The following MEIS1 variants were observed in gnomAD, a reference collection of about 807,000 sequenced individuals.
MEIS1 encodes the protein Meis homeobox 1.
A neutral mutation model predicts 50.8 loss-of-function variants in MEIS1; 5 were observed. The observed-to-expected ratio is 0.10, with a 90% CI of 0.05 to 0.21. The LOEUF (loss-of-function observed/expected upper bound fraction) is 0.21, where lower values mean the gene tolerates loss of function less well. MEIS1 is among the 10% of genes least tolerant of loss of function. The pLI is 1.00. For synonymous variants in MEIS1, 176 were observed against 179.3 expected, an observed-to-expected ratio of 0.98 and a Z score of 0.15; for missense variants, 318 against 517.3, an observed-to-expected ratio of 0.61 and a Z score of 3.74.
chr2:66,523,743 T>C (rs531412742), intron 8 of MEIS1, among the ~76,000 whole-genome samples: 1 of 152,368 alleles, frequency 6.6e-6, no homozygotes, highest in African/African-American at 2.4e-5. Flanking sequence ...TGCTGTATTT[T>C]ACATTTGAAC....
intron 7 of MEIS1, among the ~76,000 whole-genome samples, chr2:66,477,153 G>A (rs1672913288): frequency 6.6e-6 from 1 of 152,194 alleles, no homozygotes; most frequent in Non-Finnish European, 1.5e-5. Flanking sequence ...GTGGTTGGAT[G>A]GAAGTGAAGG....
chr2:66,471,469 T>A (rs916317558), intron 7 of MEIS1, among the ~76,000 whole-genome samples: 4 of 152,240 alleles, frequency 2.6e-5, no homozygotes, highest in African/African-American at 4.8e-5. Context: ...TTGTTGCAAG[T>A]GATGGATTAA....
intron 8 of MEIS1, among the ~76,000 whole-genome samples, chr2:66,513,972 C>A (rs116359576): frequency 6.6e-6 from 1 of 152,136 alleles, no homozygotes; most frequent in Non-Finnish European, 1.5e-5. Context: ...AGGTGTGGTA[C>A]AATGATGCTG....
At chr2:66,474,389 A>G (rs1252392031) in intron 7 of MEIS1, among the ~76,000 whole-genome samples, 2 of 152,146 alleles carry the variant, frequency 1.3e-5, no homozygotes, top group Admixed American at 6.5e-5. Context: ...TTTATGTCCT[A>G]TGCCCTTCCC....
At chr2:66,436,975 C>T (rs913387473) in intron 1 of MEIS1, 10 of 978,112 alleles carry the variant, frequency 1.0e-5, no homozygotes, top group Non-Finnish European at 1.2e-5. Flanking sequence ...GACTTCTAGT[C>T]TGGAAACAAA....
intron 6 of MEIS1, among the ~76,000 whole-genome samples, chr2:66,450,487 AT>A (rs1042163628): frequency 1.3e-5 from 2 of 152,172 alleles, no homozygotes; most frequent in East Asian, 1.9e-4. Context: ...TTCAAAAAAA[AT>A]AAAATGCCTG....
rs764289715 is a variant in MEIS1, at chr2:66,571,268, G to A, written c.*60G>A. ...CAGGGCTGCAAAGTATGCCAGGGGA[G>A]TATGTAGCCCGGGGTGGTCCAATGG... On this transcript the variant is annotated 3_prime_UTR_variant, in exon 13 of 13. Coordinates refer to ENST00000272369, the MANE Select transcript of MEIS1 (RefSeq NM_002398.3). The A allele has an allele frequency of 3.0e-5, 48 of 1,592,546 alleles. No homozygotes were observed. Among genetic ancestry groups the A allele is most frequent in the African/African-American group, 1.1e-4 (8 of 74,244 alleles).
chr2:66,538,046 T>A (rs1202136748), intron 8 of MEIS1, among the ~76,000 whole-genome samples: 1 of 152,216 alleles, frequency 6.6e-6, no homozygotes, highest in Non-Finnish European at 1.5e-5. Context: ...TGTCCTGTGC[T>A]AGGCATAAAG....
chr2:66,565,963 G>C (rs899267224), intron 9 of MEIS1, among the ~76,000 whole-genome samples: 7 of 152,090 alleles, frequency 4.6e-5, no homozygotes, highest in Non-Finnish European at 7.4e-5. Flanking sequence ...TGCTACACCT[G>C]TGCTTATAAT....
chr2:66,516,409 C>T (rs1199033737), intron 8 of MEIS1, among the ~76,000 whole-genome samples: 1 of 152,172 alleles, frequency 6.6e-6, no homozygotes, highest in Non-Finnish European at 1.5e-5. Flanking sequence ...CTCTCTCCTA[C>T]TCCCCATCCA....
chr2:66,475,123 CATATATATATACACAT>C (rs1672859221), intron 7 of MEIS1, among the ~76,000 whole-genome samples: 1 of 129,004 alleles, frequency 7.8e-6, no homozygotes, highest in Non-Finnish European at 1.5e-5. Context: ...TTTTAAAATG[CATATATATATACACAT>C]ATATATATAT....
chr2:66,571,282 G>T lies in MEIS1; in HGVS notation c.*74G>T. On this transcript the variant is annotated 3_prime_UTR_variant, in exon 13 of 13. Transcript: ENST00000272369. ...ATGCCAGGGGAGTATGTAGCCCGGGGTGGTCCAATGGGTGTGAGTATGGGA... is the reference window on the plus strand; with the variant it reads ...ATGCCAGGGGAGTATGTAGCCCGGGTTGGTCCAATGGGTGTGAGTATGGGA... 1 of 1,596,390 alleles carries T rather than the reference G, an allele frequency of 6.3e-7. No individual in the cohort carries two copies. The highest frequency in any genetic ancestry group is 8.5e-7 in the Non-Finnish European group (1 of 1,171,330).
At position 66,440,621 on chromosome 2, in the gene MEIS1, G is replaced by A. The variant is rs774520812; in HGVS notation, c.432+9G>A. On this transcript the variant is annotated intron_variant, in intron 4 of 12. Coordinates refer to ENST00000272369, the MANE Select transcript of MEIS1 (RefSeq NM_002398.3). ...CAGAACTGGATAACTTGGTAAGAGC[G>A]GACCCCTATTTCCCTCCCCCGCCCC... The A allele has an allele frequency of 3.1e-6, 5 of 1,605,856 alleles. No individual in the cohort carries two copies. Among genetic ancestry groups the A allele is most frequent in the Non-Finnish European group, 4.3e-6 (5 of 1,175,644 alleles).
At chr2:66,553,573 A>C (rs1674979123) in intron 9 of MEIS1, among the ~76,000 whole-genome samples, 1 of 152,260 alleles carries the variant, frequency 6.6e-6, no homozygotes, top group Non-Finnish European at 1.5e-5. Context: ...CCAGACAGGC[A>C]GGGTATTATT....
intron 8 of MEIS1, among the ~76,000 whole-genome samples, chr2:66,521,609 T>C (rs1358198057): frequency 2.0e-5 from 3 of 152,206 alleles, no homozygotes; most frequent in Non-Finnish European, 2.9e-5. Context: ...GAATAAAATG[T>C]AATTTTAGTA....
chr2:66,504,948 A>T (rs887872629), intron 7 of MEIS1, among the ~76,000 whole-genome samples: 11 of 152,360 alleles, frequency 7.2e-5, no homozygotes, highest in Middle Eastern at 3.4e-3. Context: ...GCTAAGAACA[A>T]GGAAGCCTTA....
At chr2:66,503,568 C>T (rs913895975) in intron 7 of MEIS1, among the ~76,000 whole-genome samples, 2 of 152,054 alleles carry the variant, frequency 1.3e-5, no homozygotes, top group African/African-American at 4.8e-5. Flanking sequence ...TTTTGTTTAA[C>T]TTTAGTGCCT....
chr2:66,504,605 C>A (rs1673643507), intron 7 of MEIS1, among the ~76,000 whole-genome samples: 1 of 152,172 alleles, frequency 6.6e-6, no homozygotes, highest in Non-Finnish European at 1.5e-5. Context: ...GATGGCAGAT[C>A]TCTGTGGAGC....
At chr2:66,503,993 C>T in intron 7 of MEIS1, among the ~76,000 whole-genome samples, 1 of 152,146 alleles carries the variant, frequency 6.6e-6, no homozygotes, top group African/African-American at 2.4e-5. Context: ...GATCCACCTG[C>T]CTCGGCCTCC....
Sources: allele counts gnomAD v4.1 joint callset (sites outside exome capture counted in the v4.1 genomes callset), GRCh38; gene constraint gnomAD v4.1.1; transcripts MANE v1.5; gene names NCBI Gene and HGNC (gene_info 2026-07-23, HGNC 2026-07-21).